Variants in PPM1D observed in about 807,000 individuals in gnomAD.
PPM1D encodes protein phosphatase, Mg2+/Mn2+ dependent 1D, also known as protein phosphatase 1D.
A neutral mutation model predicts 58.3 loss-of-function variants in PPM1D; 52 were observed. The ratio of observed to expected loss-of-function variants is 0.89; its 90% CI spans 0.71 to 1.12. PPM1D has a LOEUF of 1.12. Ranked by LOEUF, PPM1D falls within the 50% of genes most tolerant of loss-of-function variation. PPM1D has a pLI of 0.00. For synonymous variants in PPM1D, 278 were observed against 285.1 expected (o/e 0.98, Z 0.25); for missense variants, 564 against 777.2 (o/e 0.73, Z 3.26).
chr17:60,647,149 T>C (rs2031264911), intron 3 of PPM1D, among the ~76,000 whole-genome samples: 1 of 152,246 alleles, frequency 6.6e-6, no homozygotes, highest in Non-Finnish European at 1.5e-5. Flanking sequence ...TAGAATTACA[T>C]TGACTTTGTA....
chr17:60,619,582 AG>A (rs2030656442), intron 1 of PPM1D, among the ~76,000 whole-genome samples: 1 of 152,006 alleles, frequency 6.6e-6, no homozygotes, highest in Non-Finnish European at 1.5e-5. Flanking sequence ...CCATCCTAAT[AG>A]GTGTGAGGTT....
intron 4 of PPM1D, among the ~76,000 whole-genome samples, chr17:60,654,054 C>T (rs942352423): frequency 1.3e-5 from 2 of 151,964 alleles, no homozygotes; most frequent in Non-Finnish European, 2.9e-5. Flanking sequence ...CCGGGACTTC[C>T]AGTATTGTAT....
At chr17:60,626,389 G>A (rs2030808403) in intron 2 of PPM1D, among the ~76,000 whole-genome samples, 1 of 151,236 alleles carries the variant, frequency 6.6e-6, no homozygotes, top group African/African-American at 2.4e-5. Context: ...TGTTTTTTTG[G>A]GGTTTTTTTT....
At chr17:60,609,021 A>C (rs183035731) in intron 1 of PPM1D, among the ~76,000 whole-genome samples, 5 of 152,110 alleles carry the variant, frequency 3.3e-5, no homozygotes, top group Admixed American at 2.6e-4. Flanking sequence ...TGCTGGGATT[A>C]CAGGCGTGAG....
At chr17:60,657,029 G>T in intron 5 of PPM1D, 188 bp downstream of exon 5, 1 of 1,498,850 alleles carries the variant, frequency 6.7e-7, no homozygotes, top group South Asian at 1.3e-5. Flanking sequence ...CATGTGTACA[G>T]CACTAATAAA....
At position 60,663,479 on chromosome 17, in the gene PPM1D, G is replaced by T. The variant is rs149137187; in HGVS notation, c.1745G>T (p.Arg582Leu). 1 of 1,613,714 alleles carries T rather than the reference G, an allele frequency of 6.2e-7. No individual in the cohort carries two copies. The highest frequency in any genetic ancestry group is 1.7e-5 in the Admixed American group (1 of 59,978). Residue 582 changes from arginine to leucine, a missense_variant, in exon 6 of 6, where the codon CGC (arginine) becomes CTC (leucine). Physicochemically the swap from Arg to Leu is moderately radical, Grantham distance 102 (BLOSUM62 -2). Transcript: ENST00000305921. ...AACTCTGTTAAACTCACCATGCGAC[G>T]CAGACTTAGGGGCCAGAAGAAAATT... is the stretch of plus-strand genomic sequence containing the variant. ...RKNSVKLTMR[R>L]RLRGQKKIGN...
chr17:60,613,968 G>A (rs1003553389), intron 1 of PPM1D, among the ~76,000 whole-genome samples: 1 of 32,552 alleles, frequency 3.1e-5, no homozygotes, highest in Non-Finnish European at 3.9e-4. Context: ...ACGGTGCCCG[G>A]TCCCGTCGAC....
At chr17:60,652,312 G>GATTTCATTCTTTTCTATGGCCGAATACT (rs1311957276) in intron 4 of PPM1D, among the ~76,000 whole-genome samples, 42 of 152,140 alleles carry the variant, frequency 2.8e-4, no homozygotes, top group African/African-American at 9.4e-4. Flanking sequence ...CAAATGACAA[G>GATTTCATTCTTTTCTATGGCCGAATACT]ATTTCATTCT....
intron 5 of PPM1D, among the ~76,000 whole-genome samples, chr17:60,658,427 T>C (rs1567978158): frequency 1.3e-5 from 2 of 151,950 alleles, no homozygotes; most frequent in Middle Eastern, 3.4e-3. Flanking sequence ...GTTGGGCAGA[T>C]AACCTGAGGT....
rs1048438157 is a variant in PPM1D at position 60,600,361 on chromosome 17, C to G, written c.-54C>G. 10 of 1,535,938 alleles carry G rather than the reference C, an allele frequency of 6.5e-6. No individual in the cohort carries two copies. The highest frequency in any genetic ancestry group is 6.0e-5 in the South Asian group (5 of 83,586). On this transcript the variant is annotated 5_prime_UTR_variant, in exon 1 of 6. Coordinates refer to ENST00000305921, the MANE Select transcript of PPM1D (RefSeq NM_003620.4). ...GCCGGCGAGCGCCTAGTGTGTCTCC[C>G]GCCGCCGGATTCGGCGGGCTGCGTG...
chr17:60,648,134 C>T, intron 4 of PPM1D, 52 bp downstream of exon 4: 1 of 1,541,354 alleles, frequency 6.5e-7, no homozygotes, highest in South Asian at 1.2e-5. Context: ...TGTTTTGGTA[C>T]TTCTGTCAGA....
intron 1 of PPM1D, among the ~76,000 whole-genome samples, chr17:60,610,772 A>C (rs1425936375): frequency 6.6e-6 from 1 of 152,214 alleles, no homozygotes; most frequent in East Asian, 1.9e-4. Flanking sequence ...AGGTTTGCTG[A>C]CCCTGCTCTA....
chr17:60,613,390 T>C (rs938120937), intron 1 of PPM1D, among the ~76,000 whole-genome samples: 1 of 152,262 alleles, frequency 6.6e-6, no homozygotes, highest in African/African-American at 2.4e-5. Context: ...ATTGAGAGTA[T>C]GTGCCCTAGA....
intron 1 of PPM1D, among the ~76,000 whole-genome samples, chr17:60,622,430 GT>G (rs1300406651): frequency 2.0e-5 from 3 of 152,094 alleles, no homozygotes; most frequent in African/African-American, 2.4e-5. Flanking sequence ...ATATGTCATT[GT>G]TTGGACTCAT....
intron 1 of PPM1D, among the ~76,000 whole-genome samples, chr17:60,619,978 T>TGTTTG (rs1567967353): frequency 4.0e-5 from 6 of 148,272 alleles, no homozygotes; most frequent in African/African-American, 1.3e-4. Context: ...TTTTTTTTTG[T>TGTTTG]TTTTGTTTGT....
chr17:60,632,792 AC>A (rs530914046), intron 2 of PPM1D, among the ~76,000 whole-genome samples: 80 of 152,194 alleles, frequency 5.3e-4, no homozygotes, highest in African/African-American at 1.6e-3. Flanking sequence ...ACATGGTGAA[AC>A]CCTGTCTCTA....
chr17:60,656,486 T>A (rs2143718853), intron 4 of PPM1D, 113 bp from the exon 5 acceptor site: 1 of 1,376,020 alleles, frequency 7.3e-7, no homozygotes. Context: ...AAAAAAAAAT[T>A]GGGAGCTTTG....
In PPM1D at chr17:60,656,898, G is replaced by A. The variant is rs1391405654; in HGVS notation, c.1260+57G>A. 4.3e-6 allele frequency: 7 copies of A among 1,609,982 alleles called. No homozygotes were observed. The African/African-American group carries it at 8.0e-5, about 18-fold the overall frequency. ...TTAATAGACACCAGTTCTTTGGTTAGCGTCACCTGGAAACAATTTTTAAAT... is the reference window on the plus strand; with the variant it reads ...TTAATAGACACCAGTTCTTTGGTTAACGTCACCTGGAAACAATTTTTAAAT... On this transcript the variant is annotated intron_variant, in intron 5 of 5. Transcript: ENST00000305921.
At chr17:60,647,276 T>TGC (rs2031266843) in intron 3 of PPM1D, among the ~76,000 whole-genome samples, 2 of 152,236 alleles carry the variant, frequency 1.3e-5, no homozygotes, top group African/African-American at 4.8e-5. Flanking sequence ...GAATCTATAA[T>TGC]CTTCATAACA....
Sources: allele counts gnomAD v4.1 joint callset (sites outside exome capture counted in the v4.1 genomes callset), GRCh38; gene constraint gnomAD v4.1.1; transcripts MANE v1.5; gene names NCBI Gene and HGNC (gene_info 2026-07-23, HGNC 2026-07-21).